NOX4: variants seen among roughly 807,000 people sequenced by gnomAD.
The protein encoded by NOX4 is NADPH oxidase 4, also known as kidney oxidase-1.
Under a neutral mutation model 87.6 loss-of-function variants are expected in NOX4, and 69 were observed. That is an observed-to-expected ratio of 0.79 (90% CI 0.65 to 0.96). The LOEUF (loss-of-function observed/expected upper bound fraction) is 0.96, where lower values mean the gene tolerates loss of function less well. Among genes scored for constraint, NOX4 ranks in the 40% least tolerant of loss-of-function variants. The pLI, the probability that NOX4 is intolerant of heterozygous loss-of-function variation, is 0.00. For missense variants in NOX4, 680 were observed against 681.5 expected (o/e 1.00, Z 0.02); for synonymous variants, 275 against 238.2 (o/e 1.15, Z -1.42).
chr11:89,404,097 T>C (rs1362486738), intron 8 of NOX4, among the ~76,000 whole-genome samples: 1 of 152,164 alleles, frequency 6.6e-6, no homozygotes, highest in Non-Finnish European at 1.5e-5. Flanking sequence ...TGAGATAAAT[T>C]GATAAATATT....
chr11:89,498,007 T>A (rs1946977370), exon 1 of NOX4: 1 of 152,198 alleles, frequency 6.6e-6, no homozygotes, highest in Admixed American at 6.6e-5. Context: ...CTGGAGATGC[T>A]TACTTAGTCT....
At chr11:89,571,260 C>G in the NOX4 span, among the ~76,000 whole-genome samples, 1 of 151,608 alleles carries the variant, frequency 6.6e-6, no homozygotes, top group Non-Finnish European at 1.5e-5. Context: ...AACAGTAGTT[C>G]TACATTTTAA....
the NOX4 span, among the ~76,000 whole-genome samples, chr11:89,581,533 C>T: frequency 6.6e-6 from 1 of 152,080 alleles, no homozygotes; most frequent in Non-Finnish European, 1.5e-5. Flanking sequence ...TTTGAAAATA[C>T]TCGAATCTGA....
chr11:89,392,350 T>C (rs920487670), intron 11 of NOX4, among the ~76,000 whole-genome samples: 1 of 152,188 alleles, frequency 6.6e-6, no homozygotes, highest in Middle Eastern at 3.4e-3. Flanking sequence ...GGGTGAGATG[T>C]CCTTTGCTGT....
At chr11:89,480,856 A>C (rs1946364846) in intron 2 of NOX4, among the ~76,000 whole-genome samples, 1 of 152,124 alleles carries the variant, frequency 6.6e-6, no homozygotes, top group Non-Finnish European at 1.5e-5. Context: ...ATCTGTTGAA[A>C]TTCCAAGATT....
intron 8 of NOX4, among the ~76,000 whole-genome samples, chr11:89,408,010 A>T (rs184575840): frequency 1.5e-3 from 223 of 151,978 alleles, no homozygotes; most frequent in African/African-American, 5.1e-3. Flanking sequence ...TGGTAAAAAT[A>T]TATCTTGATT....
chr11:89,513,643 CCTGA>C, the NOX4 span, among the ~76,000 whole-genome samples: 2 of 151,860 alleles, frequency 1.3e-5, no homozygotes, highest in African/African-American at 2.4e-5. Context: ...TCTAGAGAAC[CCTGA>C]CTAATACACT....
intron 4 of NOX4, among the ~76,000 whole-genome samples, chr11:89,446,090 G>A (rs1803077390): frequency 6.6e-6 from 1 of 152,046 alleles, no homozygotes; most frequent in African/African-American, 2.4e-5. Flanking sequence ...AAGATATACA[G>A]ATGGCAAACA....
chr11:89,349,797 T>C (rs1486788837), intron 13 of NOX4, among the ~76,000 whole-genome samples: 1 of 152,182 alleles, frequency 6.6e-6, no homozygotes, highest in African/African-American at 2.4e-5. Flanking sequence ...CAATGGGTCA[T>C]GTTTTGCTGG....
At chr11:89,400,819 G>T (rs191697794) in intron 9 of NOX4, among the ~76,000 whole-genome samples, 1 of 149,296 alleles carries the variant, frequency 6.7e-6, no homozygotes, top group Non-Finnish European at 1.5e-5. Context: ...TGTACATAAT[G>T]TATATGCATA....
At chr11:89,581,068 A>T in the NOX4 span, among the ~76,000 whole-genome samples, 1 of 152,230 alleles carries the variant, frequency 6.6e-6, no homozygotes, top group South Asian at 2.1e-4. Context: ...ATTGTGTCTG[A>T]GGGTTGACAG....
chr11:89,439,923 T>G (rs989190971), intron 6 of NOX4, among the ~76,000 whole-genome samples: 6 of 152,166 alleles, frequency 3.9e-5, no homozygotes, highest in African/African-American at 1.4e-4. Context: ...GTTGTAAATT[T>G]TAAGATTAAA....
intron 2 of NOX4, among the ~76,000 whole-genome samples, chr11:89,455,323 G>A (rs16913304): frequency 0.044 from 6,709 of 152,066 alleles, 450 homozygotes; most frequent in African/African-American, 0.15. Context: ...AGAAGCAGAA[G>A]CCCCAAAGGT....
chr11:89,375,408 C>T (rs544589559), intron 11 of NOX4, among the ~76,000 whole-genome samples: 3 of 152,182 alleles, frequency 2.0e-5, no homozygotes, highest in East Asian at 1.9e-4. Context: ...CAGGTTCAAG[C>T]GATTCTCCTG....
chr11:89,576,528 T>G, the NOX4 span, among the ~76,000 whole-genome samples: 2 of 152,220 alleles, frequency 1.3e-5, no homozygotes, highest in East Asian at 1.9e-4. Context: ...AAATCTAGCT[T>G]CTTCTTATAT....
chr11:89,491,272 C>G lies in NOX4; in HGVS notation c.-26G>C. 4 of 1,606,544 alleles carry G rather than the reference C, an allele frequency of 2.5e-6. No homozygotes were observed. The highest frequency in any genetic ancestry group is 1.1e-5 in the South Asian group (1 of 90,474). ...GCCGCCGGCCCCGCCGCGCTGCGCT[C>G]TGTGCCCGCCGGACCGAGAAGGAGC... On this transcript the variant is annotated 5_prime_UTR_variant, in exon 1 of 18. Coordinates refer to ENST00000263317, the MANE Select transcript of NOX4 (RefSeq NM_016931.5).
the NOX4 span, among the ~76,000 whole-genome samples, chr11:89,560,507 C>T: frequency 2.6e-5 from 4 of 152,092 alleles, no homozygotes; most frequent in Middle Eastern, 3.4e-3. Flanking sequence ...ACTTAGAGAA[C>T]TGATAAAGCA....
the NOX4 span, among the ~76,000 whole-genome samples, chr11:89,521,091 G>C: frequency 6.6e-6 from 1 of 152,014 alleles, no homozygotes. Context: ...GCAAAAATCA[G>C]TATTGTTAGA....
chr11:89,457,390 C>G (rs756205875), intron 2 of NOX4, among the ~76,000 whole-genome samples: 3 of 152,204 alleles, frequency 2.0e-5, no homozygotes, highest in Non-Finnish European at 4.4e-5. Flanking sequence ...TGAGCATACA[C>G]AGGACCACTT....
Sources: allele counts gnomAD v4.1 joint callset (sites outside exome capture counted in the v4.1 genomes callset), GRCh38; gene constraint gnomAD v4.1.1; transcripts MANE v1.5; gene names NCBI Gene and HGNC (gene_info 2026-07-23, HGNC 2026-07-21).